C1QTNF3: variants seen among roughly 807,000 people sequenced by gnomAD.
The protein encoded by C1QTNF3 is complement C1q tumor necrosis factor-related protein 3.
In C1QTNF3, 26 loss-of-function variants were observed where a neutral mutation model predicts 32.6. That is an observed-to-expected ratio of 0.80 (90% confidence interval 0.58 to 1.11). C1QTNF3 has a LOEUF of 1.11. Ranked by LOEUF, C1QTNF3 falls within the 50% of genes least tolerant of loss-of-function variation. C1QTNF3 has a pLI of 0.00. For synonymous variants in C1QTNF3, 155 were observed against 146.0 expected (o/e 1.06, Z -0.44); for missense variants, 362 against 398.2 (o/e 0.91, Z 0.77).
chr5:34,082,304 A>G, the C1QTNF3 span, among the ~76,000 whole-genome samples: 2 of 151,460 alleles, frequency 1.3e-5, no homozygotes, highest in East Asian at 1.9e-4. Flanking sequence ...CCCATCCAAT[A>G]TAAGTGACAA....
chr5:34,025,396 A>C (rs1236945652), intron 4 of C1QTNF3, among the ~76,000 whole-genome samples: 1 of 152,254 alleles, frequency 6.6e-6, no homozygotes, highest in African/African-American at 2.4e-5. Context: ...CATGTTAGAA[A>C]GAGGAGACTA....
chr5:34,058,235 C>T, the C1QTNF3 span, among the ~76,000 whole-genome samples: 2 of 152,082 alleles, frequency 1.3e-5, no homozygotes, highest in South Asian at 2.1e-4. Flanking sequence ...TTCCCCACCA[C>T]ACCCCTTTAC....
rs1321150092 is a variant in C1QTNF3, at chr5:34,018,700, C to G, written c.*1883G>C. Among the ~76,000 whole-genome samples the G allele has an allele frequency of 6.6e-6, 1 of 151,940 alleles. No homozygotes were observed. The highest frequency in any genetic ancestry group is 1.5e-5 in the Non-Finnish European group (1 of 67,996). ...CCTTCAATATAATCTCTTTGTTGTC[C>G]AAGGGTCAAATATAATGTTTTCTAC... On this transcript the variant is annotated 3_prime_UTR_variant, in exon 6 of 6. Coordinates refer to ENST00000382065, the MANE Select transcript of C1QTNF3 (RefSeq NM_181435.6).
chr5:34,087,570 CTTTTTTTTTTTTTT>C, the C1QTNF3 span, among the ~76,000 whole-genome samples: 7 of 70,028 alleles, frequency 1.0e-4, no homozygotes, highest in African/African-American at 2.9e-4. Context: ...ACGCTTTTGT[CTTTTTTTTTTTTTT>C]TTTTTTTTTT....
the C1QTNF3 span, chr5:34,164,884 C>T: frequency 6.6e-6 from 1 of 151,446 alleles, no homozygotes; most frequent in Non-Finnish European, 1.5e-5. Flanking sequence ...TGTAGGAGTT[C>T]CTCCAGGTAC....
At chr5:34,222,486 T>C in the C1QTNF3 span, among the ~76,000 whole-genome samples, 1 of 151,778 alleles carries the variant, frequency 6.6e-6, no homozygotes, top group Non-Finnish European at 1.5e-5. Context: ...ATATTATATA[T>C]AAAATGCATA....
chr5:34,129,928 G>A, the C1QTNF3 span, among the ~76,000 whole-genome samples: 1 of 151,644 alleles, frequency 6.6e-6, no homozygotes, highest in Non-Finnish European at 1.5e-5. Flanking sequence ...TTTCCTTCAG[G>A]ACCATTATAC....
the C1QTNF3 span, among the ~76,000 whole-genome samples, chr5:34,241,858 T>C: frequency 1.3e-5 from 2 of 151,106 alleles, no homozygotes; most frequent in Non-Finnish European, 2.9e-5. Context: ...CTCCACTGCA[T>C]TCCAGCCTGG....
At chr5:34,181,717 G>A in the C1QTNF3 span, among the ~76,000 whole-genome samples, 1 of 152,250 alleles carries the variant, frequency 6.6e-6, no homozygotes, top group African/African-American at 2.4e-5. Flanking sequence ...ACCTATGACA[G>A]CCAAAGCGCC....
At chr5:34,027,089 G>C (rs1754481137) in intron 4 of C1QTNF3, among the ~76,000 whole-genome samples, 1 of 152,158 alleles carries the variant, frequency 6.6e-6, no homozygotes, top group Admixed American at 6.5e-5. Context: ...GTTAATAGTA[G>C]TGGAAGATGG....
the C1QTNF3 span, among the ~76,000 whole-genome samples, chr5:34,160,385 C>A: frequency 2.5e-4 from 38 of 152,116 alleles, 1 homozygote; most frequent in Admixed American, 2.4e-3. Context: ...ATTATATGGA[C>A]GTGTAAAGCA....
chr5:34,187,054 T>C, the C1QTNF3 span, among the ~76,000 whole-genome samples: 4 of 152,412 alleles, frequency 2.6e-5, no homozygotes, highest in African/African-American at 9.6e-5. Flanking sequence ...ATCATGGGGA[T>C]GGTTCCCCCC....
the C1QTNF3 span, among the ~76,000 whole-genome samples, chr5:34,074,810 G>A: frequency 8.6e-5 from 13 of 151,222 alleles, no homozygotes; most frequent in African/African-American, 2.7e-4. Context: ...TAATCCGTTC[G>A]AGATATTGAA....
At chr5:34,081,950 A>G in the C1QTNF3 span, among the ~76,000 whole-genome samples, 3 of 151,764 alleles carry the variant, frequency 2.0e-5, no homozygotes, top group African/African-American at 7.3e-5. Flanking sequence ...TAATTCAGAA[A>G]TAATTAATTT....
chr5:34,143,614 A>G, the C1QTNF3 span, among the ~76,000 whole-genome samples: 225 of 152,330 alleles, frequency 1.5e-3, 1 homozygote, highest in African/African-American at 5.0e-3. Context: ...ACAACCCAGA[A>G]GAGATTGGGC....
intron 1 of C1QTNF3, among the ~76,000 whole-genome samples, chr5:34,040,815 C>CTT (rs11334548): frequency 6.8e-6 from 1 of 146,708 alleles, no homozygotes; most frequent in South Asian, 2.2e-4. Flanking sequence ...TGTTGCAGCA[C>CTT]TTTTTTTTTT....
Position 34,020,648 on chromosome 5 carries a change from C to G in C1QTNF3, c.895G>C (p.Ala299Pro), listed in dbSNP as rs1248766131. 3 of 1,614,082 alleles carry G rather than the reference C, an allele frequency of 1.9e-6. No individual in the cohort carries two copies. The highest frequency in any genetic ancestry group is 2.5e-6 in the Non-Finnish European group (3 of 1,180,048). Residue 299 changes from alanine to proline, a missense_variant, in exon 6 of 6, where the codon GCT becomes CCT. By Grantham distance (27) the Ala-to-Pro change is conservative (BLOSUM62 -1). Transcript: ENST00000382065. Reference protein sequence around the residue: ...DEVWLRMGNGALHGDHQRFST... With the variant: ...DEVWLRMGNGPLHGDHQRFST... ...AAGCGTTGGTGGTCCCCATGGAGAGCGCCATTGCCCATTCGCAGCCAAACC... is the reference window on the plus strand; with the variant it reads ...AAGCGTTGGTGGTCCCCATGGAGAGGGCCATTGCCCATTCGCAGCCAAACC...
At chr5:34,053,053 A>G in the C1QTNF3 span, among the ~76,000 whole-genome samples, 42 of 152,344 alleles carry the variant, frequency 2.8e-4, no homozygotes, top group East Asian at 6.9e-3. Context: ...TGAAAAAATA[A>G]GGCCAGATTT....
chr5:34,049,503 G>A, the C1QTNF3 span, among the ~76,000 whole-genome samples: 9 of 152,254 alleles, frequency 5.9e-5, no homozygotes, highest in Non-Finnish European at 1.3e-4. Flanking sequence ...CTGACCCTCC[G>A]GAACCCAGTT....
Sources: allele counts gnomAD v4.1 joint callset (sites outside exome capture counted in the v4.1 genomes callset), GRCh38; gene constraint gnomAD v4.1.1; transcripts MANE v1.5; gene names NCBI Gene and HGNC (gene_info 2026-07-23, HGNC 2026-07-21).